The following GABRG3 variants were observed in gnomAD, a reference collection of about 807,000 sequenced individuals.
GABRG3 encodes gamma-aminobutyric acid type A receptor subunit gamma3, also known as gamma-aminobutyric acid receptor subunit gamma-3.
Under a neutral mutation model 48.8 loss-of-function variants are expected in GABRG3, and 25 were observed. The observed-to-expected ratio is 0.51, with a 90% CI of 0.37 to 0.72. The LOEUF is 0.72. GABRG3 is among the 30% of genes least tolerant of loss of function. The pLI, the probability that GABRG3 is intolerant of heterozygous loss-of-function variation, is 0.00. For synonymous variants in GABRG3, 227 were observed against 217.6 expected, an observed-to-expected ratio of 1.04 and a Z score of -0.38; for missense variants, 394 against 577.9, an observed-to-expected ratio of 0.68 and a Z score of 3.26.
At chr15:27,327,530 C>A (rs1187007183) in intron 4 of GABRG3, among the ~76,000 whole-genome samples, 6 of 152,168 alleles carry the variant, frequency 3.9e-5, no homozygotes, top group Non-Finnish European at 7.4e-5. Context: ...GACTCGCCCA[C>A]AGTCACCACT....
At chr15:27,171,565 T>C (rs977259367) in intron 3 of GABRG3, among the ~76,000 whole-genome samples, 2 of 148,986 alleles carry the variant, frequency 1.3e-5, no homozygotes, top group Non-Finnish European at 3.0e-5. Flanking sequence ...TGTATATGTA[T>C]ATATATATAT....
intron 6 of GABRG3, chr15:27,483,234 A>G (rs1890140209): frequency 6.6e-6 from 1 of 152,154 alleles, no homozygotes; most frequent in Non-Finnish European, 1.5e-5. Flanking sequence ...GCCGTGAAGG[A>G]AGGATCTGCT....
At chr15:27,095,779 C>A (rs1219136975) in intron 3 of GABRG3, among the ~76,000 whole-genome samples, 1 of 152,086 alleles carries the variant, frequency 6.6e-6, no homozygotes, top group Non-Finnish European at 1.5e-5. Context: ...AGACCTGGTC[C>A]GGGAAGCACG....
At chr15:27,307,313 G>T (rs190589849) in intron 3 of GABRG3, among the ~76,000 whole-genome samples, 99 of 137,998 alleles carry the variant, frequency 7.2e-4, no homozygotes, top group African/African-American at 2.5e-3. Context: ...ATAACCATAG[G>T]TTTATATATG....
chr15:27,287,973 G>A (rs1404468804), intron 3 of GABRG3, among the ~76,000 whole-genome samples: 3 of 152,180 alleles, frequency 2.0e-5, no homozygotes, highest in Non-Finnish European at 1.5e-5. Flanking sequence ...TCCTGACCTC[G>A]TGATCTGCCT....
At chr15:27,327,675 C>T (rs920069582) in intron 4 of GABRG3, among the ~76,000 whole-genome samples, 3 of 152,134 alleles carry the variant, frequency 2.0e-5, no homozygotes, top group African/African-American at 7.2e-5. Flanking sequence ...ATGGTCCCTC[C>T]AGCAGTGTCC....
At chr15:27,330,921 A>T (rs1220117707) in intron 5 of GABRG3, among the ~76,000 whole-genome samples, 1 of 152,206 alleles carries the variant, frequency 6.6e-6, no homozygotes, top group East Asian at 1.9e-4. Context: ...ATAATGTCAG[A>T]AAGTGGCACC....
intron 3 of GABRG3, among the ~76,000 whole-genome samples, chr15:27,213,037 A>G (rs564788490): frequency 6.6e-6 from 1 of 152,340 alleles, no homozygotes; most frequent in Admixed American, 6.5e-5. Flanking sequence ...CTCTAGTTGT[A>G]CACTCTCTTT....
intron 3 of GABRG3, among the ~76,000 whole-genome samples, chr15:27,060,331 G>A (rs1896623531): frequency 6.6e-6 from 1 of 152,264 alleles, no homozygotes; most frequent in Non-Finnish European, 1.5e-5. Flanking sequence ...TGGCCCCTGA[G>A]CAGGGTTGGA....
At chr15:27,163,876 C>T (rs1205564429) in intron 3 of GABRG3, among the ~76,000 whole-genome samples, 1 of 152,150 alleles carries the variant, frequency 6.6e-6, no homozygotes, top group Non-Finnish European at 1.5e-5. Flanking sequence ...AGGGAACGTG[C>T]AGGTCTTCTT....
chr15:27,077,631 T>C (rs1483062382), intron 3 of GABRG3, among the ~76,000 whole-genome samples: 1 of 152,206 alleles, frequency 6.6e-6, no homozygotes, highest in African/African-American at 2.4e-5. Flanking sequence ...CCCATCACTC[T>C]GTCGATTTCC....
chr15:27,514,629 G>A (rs1890976044), intron 6 of GABRG3, among the ~76,000 whole-genome samples: 1 of 152,192 alleles, frequency 6.6e-6, no homozygotes, highest in South Asian at 2.1e-4. Context: ...AATCAAGGGA[G>A]TTGATCCATT....
intron 5 of GABRG3, among the ~76,000 whole-genome samples, chr15:27,414,779 G>T (rs527541263): frequency 1.3e-5 from 2 of 152,150 alleles, no homozygotes; most frequent in African/African-American, 4.8e-5. Flanking sequence ...CTGCTGAAAC[G>T]TCTTTGCTTT....
intron 6 of GABRG3, among the ~76,000 whole-genome samples, chr15:27,508,775 G>A (rs527339239): frequency 3.3e-5 from 5 of 151,986 alleles, no homozygotes; most frequent in Non-Finnish European, 5.9e-5. Flanking sequence ...GTACAGTGGC[G>A]TGATCTCGGC....
At chr15:27,271,459 G>A (rs1595627281) in intron 3 of GABRG3, 9 of 437,432 alleles carry the variant, frequency 2.1e-5, no homozygotes, top group South Asian at 4.8e-5. Context: ...CCTAGACCAC[G>A]CCCTCGGAGC....
intron 5 of GABRG3, among the ~76,000 whole-genome samples, chr15:27,479,355 T>TA (rs1370955725): frequency 6.6e-6 from 1 of 152,208 alleles, no homozygotes; most frequent in Non-Finnish European, 1.5e-5. Flanking sequence ...CCCTTGAGCT[T>TA]AGCATTTTCA....
intron 6 of GABRG3, among the ~76,000 whole-genome samples, chr15:27,511,288 G>A (rs747699096): frequency 1.5e-4 from 23 of 152,302 alleles, no homozygotes; most frequent in African/African-American, 2.4e-4. Flanking sequence ...ACCTAACACC[G>A]TGTATATGTG....
rs781410354 is a variant in GABRG3, at chr15:27,447,586, C to G, written c.575-33064C>G. 1.4e-4 allele frequency among the ~76,000 whole-genome samples: 22 copies of G among 152,026 alleles called. No individual in the cohort carries two copies. Among genetic ancestry groups the G allele is most frequent in the Admixed American group, 3.3e-4 (5 of 15,268 alleles). ...GGCTGAGAGATGGGGACAGATTTGACACAGACCTACACATGCTGATGATGA... is the reference window on the plus strand; with the variant it reads ...GGCTGAGAGATGGGGACAGATTTGAGACAGACCTACACATGCTGATGATGA... On this transcript the variant is annotated intron_variant, in intron 5 of 9. Transcript: ENST00000615808. The surrounding 1 kb of genome is among the most constrained non-coding windows in gnomAD (Gnocchi z 4.0).
chr15:27,134,525 C>G (rs1406546739), intron 3 of GABRG3, among the ~76,000 whole-genome samples: 1 of 152,180 alleles, frequency 6.6e-6, no homozygotes, highest in Non-Finnish European at 1.5e-5. Context: ...TGTGACACCC[C>G]ACTGTCTACC....
Sources: allele counts gnomAD v4.1 joint callset (sites outside exome capture counted in the v4.1 genomes callset), GRCh38; gene constraint gnomAD v4.1.1; non-coding constraint Gnocchi (gnomAD v3.1); transcripts MANE v1.5; gene names NCBI Gene and HGNC (gene_info 2026-07-23, HGNC 2026-07-21).